Variants in EGFLAM observed in about 807,000 individuals in gnomAD.
EGFLAM encodes pikachurin.
In EGFLAM, 79 loss-of-function variants were observed where a neutral mutation model predicts 113.1. The observed-to-expected ratio is 0.70, with a 90% confidence interval of 0.58 to 0.84. EGFLAM has a LOEUF of 0.84. EGFLAM is among the 40% of genes least tolerant of loss of function. The probability of loss-of-function intolerance (pLI) is 0.00; values close to 1 mark genes in which losing one functional copy is unlikely to be tolerated. For synonymous variants in EGFLAM, 504 were observed against 487.6 expected, an observed-to-expected ratio of 1.03 and a Z score of -0.44; for missense variants, 1,265 against 1,291.6, an observed-to-expected ratio of 0.98 and a Z score of 0.32.
At chr5:38,433,884 A>G (rs1321388824) in intron 15 of EGFLAM, among the ~76,000 whole-genome samples, 2 of 152,174 alleles carry the variant, frequency 1.3e-5, no homozygotes, top group Non-Finnish European at 2.9e-5. Context: ...GGCTATTGAC[A>G]GAAGGCATTT....
rs1352619940 is a variant in EGFLAM at position 38,431,239 on chromosome 5, A to G, written c.2117A>G (p.Asn706Ser). 1.9e-6 allele frequency: 3 copies of G among 1,614,048 alleles called. No homozygotes were observed. The African/African-American group carries it at 4.0e-5, about 22-fold the overall frequency. ...HELRVSRTAK[N>S]GILQVDKQKI... is the part of the protein sequence containing the mutation. ...CTTCGTGTATCTCGCACAGCAAAGA[A>G]TGGAATCTTACAGGTGGATAAGCAG... is the stretch of plus-strand genomic sequence containing the variant. The change falls in exon 15 of 22, where the codon AAT (asparagine) becomes AGT (serine). Residue 706 changes from asparagine (N) to serine (S), a missense_variant. Transcript: ENST00000322350.
At position 38,389,218 on chromosome 5, in the gene EGFLAM, T is replaced by C. The variant is rs577961483; in HGVS notation, c.713-16908T>C. 3.3e-5 allele frequency among the ~76,000 whole-genome samples: 5 copies of C among 152,282 alleles called. No homozygotes were observed. The South Asian group carries it at 1.0e-3, about 32-fold the overall frequency. ...GAAAACCCTTAGAAAATTAGAAGCA[T>C]TGATGATTTACATGCCCTTTATAAT... On this transcript the variant is annotated intron_variant, in intron 6 of 21. Transcript: ENST00000322350.
intron 1 of EGFLAM, among the ~76,000 whole-genome samples, chr5:38,269,396 T>A (rs1057418754): frequency 1.6e-4 from 25 of 152,290 alleles, no homozygotes; most frequent in African/African-American, 5.8e-4. Context: ...AAATCTTTTT[T>A]TTAGACACCA....
intron 1 of EGFLAM, among the ~76,000 whole-genome samples, chr5:38,326,341 C>T (rs888988392): frequency 3.9e-5 from 6 of 152,154 alleles, no homozygotes; most frequent in Admixed American, 1.3e-4. Flanking sequence ...GAGCAGCAAC[C>T]GAAGTAGAGA....
intron 19 of EGFLAM, among the ~76,000 whole-genome samples, chr5:38,453,622 A>C (rs1742991953): frequency 1.3e-5 from 2 of 151,988 alleles, no homozygotes; most frequent in Non-Finnish European, 2.9e-5. Context: ...GTAGCCTCCC[A>C]CCCATTGCTA....
chr5:38,307,786 T>G (rs1369755970), intron 1 of EGFLAM, among the ~76,000 whole-genome samples: 1 of 152,260 alleles, frequency 6.6e-6, no homozygotes, highest in African/African-American at 2.4e-5. Context: ...TGCTTAGACA[T>G]GCAGGGGACC....
At chr5:38,273,891 G>A (rs528824305) in intron 1 of EGFLAM, among the ~76,000 whole-genome samples, 9 of 152,248 alleles carry the variant, frequency 5.9e-5, no homozygotes, top group East Asian at 1.9e-4. Context: ...GAGATGGAGC[G>A]CTATGAACTT....
chr5:38,355,000 T>C (rs1454675764), intron 5 of EGFLAM, among the ~76,000 whole-genome samples: 1 of 152,078 alleles, frequency 6.6e-6, no homozygotes, highest in Non-Finnish European at 1.5e-5. Context: ...CCAGTGCAGG[T>C]TACTTCCCCT....
intron 1 of EGFLAM, among the ~76,000 whole-genome samples, chr5:38,327,733 C>T (rs1738927401): frequency 6.6e-6 from 1 of 152,174 alleles, no homozygotes; most frequent in South Asian, 2.1e-4. Context: ...AACCATGGCA[C>T]ATTTGTCAAA....
At chr5:38,433,739 G>A (rs1463382112) in intron 15 of EGFLAM, among the ~76,000 whole-genome samples, 1 of 152,208 alleles carries the variant, frequency 6.6e-6, no homozygotes, top group African/African-American at 2.4e-5. Context: ...GCAATGACAA[G>A]AGAAAGATGC....
intron 3 of EGFLAM, among the ~76,000 whole-genome samples, chr5:38,340,323 C>T (rs1372088206): frequency 1.3e-5 from 2 of 152,092 alleles, no homozygotes; most frequent in Non-Finnish European, 1.5e-5. Flanking sequence ...TAATTATTCT[C>T]TTGTGAGGAT....
intron 1 of EGFLAM, among the ~76,000 whole-genome samples, chr5:38,308,157 C>A (rs189727771): frequency 2.0e-5 from 3 of 152,256 alleles, no homozygotes; most frequent in Admixed American, 1.3e-4. Flanking sequence ...TCCCCTCTCA[C>A]AATTGCTAAA....
At chr5:38,437,380 T>C (rs977307772) in intron 16 of EGFLAM, among the ~76,000 whole-genome samples, 1 of 152,120 alleles carries the variant, frequency 6.6e-6, no homozygotes, top group South Asian at 2.1e-4. Context: ...TTGAGAACAT[T>C]AGTTGGAAAC....
At chr5:38,423,626 A>G (rs1270316497) in intron 12 of EGFLAM, among the ~76,000 whole-genome samples, 1 of 152,152 alleles carries the variant, frequency 6.6e-6, no homozygotes, top group Non-Finnish European at 1.5e-5. Flanking sequence ...TTTAAGATCA[A>G]AGTCAGCCAG....
At chr5:38,283,557 A>G (rs1425568110) in intron 1 of EGFLAM, among the ~76,000 whole-genome samples, 1 of 152,190 alleles carries the variant, frequency 6.6e-6, no homozygotes, top group African/African-American at 2.4e-5. Flanking sequence ...GAATTTTAGC[A>G]TTAGAAGGGA....
Position 38,406,989 on chromosome 5 carries a change from A to G in EGFLAM, c.990A>G (p.Arg330=). 6.2e-7 allele frequency: 1 copy of G among 1,614,124 alleles called. No homozygotes were observed. The highest frequency in any genetic ancestry group is 8.5e-7 in the Non-Finnish European group (1 of 1,180,018). ...CTCCCCAGCCCATTCCCATACAGAG[A>G]AAGGGGAAGAATGGTGTGGCCATAA... is the stretch of plus-strand genomic sequence containing the variant. ...TVAPQPIPIQ[R]KGKNGVAIMS... Residue 330 remains arginine (R), a synonymous_variant, in exon 8 of 22, where the codon AGA becomes AGG. Coordinates refer to ENST00000322350, the MANE Select transcript of EGFLAM (RefSeq NM_152403.4).
intron 1 of EGFLAM, 141 bp downstream of exon 1, chr5:38,258,992 G>A (rs1312756583): frequency 7.5e-6 from 7 of 932,236 alleles, no homozygotes; most frequent in Non-Finnish European, 1.1e-5. Context: ...GCCAGGAGCT[G>A]AGAAAAGACG....
intron 1 of EGFLAM, among the ~76,000 whole-genome samples, chr5:38,263,651 A>G (rs1757558602): frequency 6.6e-6 from 1 of 152,160 alleles, no homozygotes; most frequent in Non-Finnish European, 1.5e-5. Context: ...ATTTTGATAA[A>G]GTCTAATTTA....
At chr5:38,385,171 C>T (rs1740622928) in intron 6 of EGFLAM, among the ~76,000 whole-genome samples, 1 of 151,860 alleles carries the variant, frequency 6.6e-6, no homozygotes, top group Non-Finnish European at 1.5e-5. Flanking sequence ...TTTGGACTAC[C>T]ACTTATAATA....
Sources: allele counts gnomAD v4.1 joint callset (sites outside exome capture counted in the v4.1 genomes callset), GRCh38; gene constraint gnomAD v4.1.1; transcripts MANE v1.5; gene names NCBI Gene and HGNC (gene_info 2026-07-23, HGNC 2026-07-21).